EPM2A: variants seen among roughly 807,000 people sequenced by gnomAD.
The protein encoded by EPM2A is EPM2A glucan phosphatase, laforin, also known as laforin.
Under a neutral mutation model 26.5 loss-of-function variants are expected in EPM2A, and 21 were observed. That is an observed-to-expected ratio of 0.79 (90% CI 0.56 to 1.14). The LOEUF is 1.14. Among genes scored for constraint, EPM2A ranks in the 50% most tolerant of loss-of-function variants. The probability of loss-of-function intolerance (pLI) is 0.00; values close to 1 mark genes in which losing one functional copy is unlikely to be tolerated. For missense variants in EPM2A, 458 were observed against 440.8 expected (o/e 1.04, Z -0.35); for synonymous variants, 217 against 177.6 (o/e 1.22, Z -1.76).
At chr6:145,623,479 AAAG>A (rs1775680467), downstream of EPM2A, among the ~76,000 whole-genome samples, 1 of 152,198 alleles carries the variant, frequency 6.6e-6, no homozygotes, top group African/African-American at 2.4e-5. Flanking sequence ...TGGAATAGTC[AAAG>A]AACAGCAAGA....
chr6:145,479,628 A>G (rs1779588741), intron 4 of EPM2A, among the ~76,000 whole-genome samples: 1 of 151,992 alleles, frequency 6.6e-6, no homozygotes, highest in Non-Finnish European at 1.5e-5. Flanking sequence ...ATGGCTCTAT[A>G]TGCCACATTT....
chr6:145,493,612 T>TTGGC (rs1180184594), intron 4 of EPM2A, among the ~76,000 whole-genome samples: 9 of 152,236 alleles, frequency 5.9e-5, no homozygotes, highest in African/African-American at 2.2e-4. Context: ...CAGTGTGACG[T>TTGGC]TGGCTGTCGG....
intron 2 of EPM2A, among the ~76,000 whole-genome samples, chr6:145,561,120 T>C (rs970511746): frequency 3.3e-5 from 5 of 151,704 alleles, no homozygotes; most frequent in Non-Finnish European, 5.9e-5. Context: ...GTAAGTGTCC[T>C]ATACAGCTAT....
downstream of EPM2A, among the ~76,000 whole-genome samples, chr6:145,497,276 T>C (rs982592768): frequency 2.0e-5 from 3 of 152,226 alleles, no homozygotes; most frequent in East Asian, 5.8e-4. Flanking sequence ...CTTTTAACTG[T>C]CTGGCCACTT....
downstream of EPM2A, among the ~76,000 whole-genome samples, chr6:145,621,249 G>A (rs1054319455): frequency 2.0e-5 from 3 of 152,144 alleles, no homozygotes; most frequent in South Asian, 4.1e-4. Context: ...AAGTTTTAAC[G>A]CTGTTGTTGC....
intron 2 of EPM2A, among the ~76,000 whole-genome samples, chr6:145,669,253 G>C (rs1483245662): frequency 6.6e-6 from 1 of 152,164 alleles, no homozygotes; most frequent in Middle Eastern, 3.2e-3. Context: ...GAACAGAAAA[G>C]TTATAATAGG....
chr6:145,428,571 T>C (rs1778882119), intron 4 of EPM2A, among the ~76,000 whole-genome samples: 1 of 152,236 alleles, frequency 6.6e-6, no homozygotes, highest in Non-Finnish European at 1.5e-5. Context: ...ATTATCCATA[T>C]CACATTAAAT....
intron 1 of EPM2A, among the ~76,000 whole-genome samples, chr6:145,691,664 TAA>T (rs1451997637): frequency 6.6e-6 from 1 of 151,952 alleles, no homozygotes; most frequent in African/African-American, 2.4e-5. Flanking sequence ...AAAAAGGAGG[TAA>T]GTTTTCTAAA....
chr6:145,685,740 T>A (rs1460315296), intron 2 of EPM2A, among the ~76,000 whole-genome samples: 1 of 152,208 alleles, frequency 6.6e-6, no homozygotes, highest in Non-Finnish European at 1.5e-5. Context: ...TTTATTTGGA[T>A]AAGATTGTAT....
chr6:145,675,137 T>G (rs1583027014), intron 2 of EPM2A, among the ~76,000 whole-genome samples: 1 of 152,188 alleles, frequency 6.6e-6, no homozygotes, highest in African/African-American at 2.4e-5. Flanking sequence ...TATTCAACAT[T>G]CTTAAAGAAA....
chr6:145,660,965 C>G (rs1415558977), intron 2 of EPM2A, among the ~76,000 whole-genome samples: 1 of 151,528 alleles, frequency 6.6e-6, no homozygotes, highest in Non-Finnish European at 1.5e-5. Context: ...AATAAAGTAT[C>G]AAGAAGACAA....
At chr6:145,672,188 A>C (rs1283686339) in intron 2 of EPM2A, among the ~76,000 whole-genome samples, 3 of 152,228 alleles carry the variant, frequency 2.0e-5, no homozygotes, top group Non-Finnish European at 4.4e-5. Context: ...ATGTGGATTT[A>C]ATATTTATTG....
At chr6:145,717,297 G>A (rs189490145) in intron 1 of EPM2A, among the ~76,000 whole-genome samples, 2 of 152,326 alleles carry the variant, frequency 1.3e-5, no homozygotes, top group Admixed American at 1.3e-4. Flanking sequence ...TCCCTGGGAT[G>A]CAAGTCTGGT....
chr6:145,561,722 G>A (rs1247922109), intron 2 of EPM2A, among the ~76,000 whole-genome samples: 1 of 152,132 alleles, frequency 6.6e-6, no homozygotes, highest in Admixed American at 6.6e-5. Context: ...TCAATTGTGA[G>A]GGCAGTGATA....
intron 1 of EPM2A, among the ~76,000 whole-genome samples, chr6:145,693,238 G>T (rs1383935005): frequency 6.6e-6 from 1 of 151,956 alleles, no homozygotes; most frequent in African/African-American, 2.4e-5. Context: ...ATATAGAAAT[G>T]CTATGATTTT....
chr6:145,678,916 T>C (rs1416739889), intron 2 of EPM2A, among the ~76,000 whole-genome samples: 3 of 151,982 alleles, frequency 2.0e-5, no homozygotes, highest in Admixed American at 2.0e-4. Flanking sequence ...ACTCAAAGGA[T>C]TATACGTCAT....
intron 2 of EPM2A, among the ~76,000 whole-genome samples, chr6:145,565,223 G>GGTGC (rs59124538): frequency 0.35 from 53,388 of 151,910 alleles, 9,971 homozygotes; most frequent in South Asian, 0.51. Flanking sequence ...AGCACCCTTG[G>GGTGC]TTTTTGACCT....
At chr6:145,644,447 C>T (rs536297138) in intron 2 of EPM2A, among the ~76,000 whole-genome samples, 3 of 151,978 alleles carry the variant, frequency 2.0e-5, no homozygotes, top group South Asian at 2.1e-4. Flanking sequence ...TGAAAAGCTG[C>T]ATAAGTTTTT....
At chr6:145,633,218 C>A (rs1776398855) in intron 3 of EPM2A, among the ~76,000 whole-genome samples, 1 of 152,114 alleles carries the variant, frequency 6.6e-6, no homozygotes, top group South Asian at 2.1e-4. Context: ...TTCTCCCAGC[C>A]TCGTCTCACA....
Sources: allele counts gnomAD v4.1 joint callset (sites outside exome capture counted in the v4.1 genomes callset), GRCh38; gene constraint gnomAD v4.1.1; transcripts MANE v1.5; gene names NCBI Gene and HGNC (gene_info 2026-07-23, HGNC 2026-07-21).